Variants in FBN1 observed in about 807,000 individuals in gnomAD.
FBN1 encodes the protein fibrillin-1.
In FBN1, 29 loss-of-function variants were observed where a neutral mutation model predicts 365.1. That is an observed-to-expected ratio of 0.08 (90% confidence interval 0.06 to 0.11). The LOEUF is 0.11. FBN1 is among the 10% of genes least tolerant of loss of function. FBN1 has a pLI of 1.00. For synonymous variants in FBN1, 1,210 were observed against 1,270.5 expected (o/e 0.95, Z 1.01); for missense variants, 2,476 against 3,703.2 (o/e 0.67, Z 8.60).
intron 2 of FBN1, among the ~76,000 whole-genome samples, chr15:48,628,897 A>C (rs1889935183): frequency 6.6e-6 from 1 of 152,186 alleles, no homozygotes; most frequent in Non-Finnish European, 1.5e-5. Context: ...TACCACTTAT[A>C]AAGTCTTCTT....
chr15:48,612,018 T>C (rs1028059859), intron 3 of FBN1, among the ~76,000 whole-genome samples: 1 of 152,226 alleles, frequency 6.6e-6, no homozygotes, highest in Non-Finnish European at 1.5e-5. Flanking sequence ...GGAGACATCA[T>C]TTCTCAGAGA....
intron 5 of FBN1, among the ~76,000 whole-genome samples, chr15:48,598,365 C>T (rs2044531782): frequency 6.6e-6 from 1 of 152,198 alleles, no homozygotes; most frequent in South Asian, 2.1e-4. Flanking sequence ...ATGTGCCTAG[C>T]ACACAGTAAG....
intron 6 of FBN1, among the ~76,000 whole-genome samples, chr15:48,580,687 T>C (rs1192806740): frequency 6.6e-6 from 1 of 152,206 alleles, no homozygotes; most frequent in Admixed American, 6.5e-5. Flanking sequence ...CCAAACTTCC[T>C]TGTGACCAAA....
chr15:48,466,643 T>C (rs148325272), intron 38 of FBN1, among the ~76,000 whole-genome samples: 61 of 152,306 alleles, frequency 4.0e-4, no homozygotes, highest in Admixed American at 1.5e-3. Context: ...TGAAATTATA[T>C]GTACACATGC....
intron 9 of FBN1, among the ~76,000 whole-genome samples, chr15:48,522,622 T>A (rs2043868953): frequency 6.6e-6 from 1 of 152,226 alleles, no homozygotes; most frequent in Non-Finnish European, 1.5e-5. Flanking sequence ...ATTGTTATCA[T>A]CTACATCATT....
In FBN1 at chr15:48,487,998, C is replaced by T. The variant is rs376229846; in HGVS notation, c.3337+115G>A. 8 of 1,373,212 alleles carry T rather than the reference C, an allele frequency of 5.8e-6. 1 individual carries two copies. The East Asian group carries it at 9.1e-5, about 16-fold the overall frequency. 85.1% of individuals were successfully genotyped at this position (1,373,212 alleles called of 1,614,324 possible). A position where few individuals can be genotyped will look rare whatever the true frequency, so the allele number is the denominator to read the frequency against. On this transcript the variant is annotated intron_variant, in intron 27 of 65. Transcript: ENST00000316623. ...GTCTCCCTCTGTTGCAGACTGATTC[C>T]TAACTTCACTGGTTGCACTGGGGCA...
chr15:48,525,227 C>T (rs928495540), intron 9 of FBN1, among the ~76,000 whole-genome samples: 4 of 151,922 alleles, frequency 2.6e-5, no homozygotes, highest in African/African-American at 9.7e-5. Flanking sequence ...GCTGGGATTA[C>T]AGGCACCCGC....
chr15:48,631,939 G>T (rs1032040392), intron 2 of FBN1, among the ~76,000 whole-genome samples: 12 of 152,160 alleles, frequency 7.9e-5, no homozygotes, highest in African/African-American at 2.7e-4. Context: ...TTTTCACAAA[G>T]TATCTTTTTA....
At chr15:48,496,049 C>A (rs1411228258) in intron 20 of FBN1, 51 bp downstream of exon 20, 2 of 1,607,854 alleles carry the variant, frequency 1.2e-6, no homozygotes, top group African/African-American at 2.7e-5. Flanking sequence ...TTTCTAATGG[C>A]ATTCCAAAAG....
intron 25 of FBN1, 25 bp downstream of exon 25, chr15:48,489,825 TG>T: frequency 6.3e-7 from 1 of 1,586,796 alleles, no homozygotes; most frequent in Non-Finnish European, 8.7e-7. Context: ...GGGAGGCAAT[TG>T]GCCATGGAAA....
Position 48,465,687 on chromosome 15 carries a change from T to A in FBN1, c.4823A>T (p.Asp1608Val). 1 of 1,614,110 alleles carries A rather than the reference T, an allele frequency of 6.2e-7. No individual in the cohort carries two copies. Among genetic ancestry groups the A allele is most frequent in the South Asian group, 1.1e-5 (1 of 91,080 alleles). ...NPITVILEDI[D>V]ECQELPGLCQ... ...CAGCCCTGGTAGCTCCTGGCACTCA[T>A]CAATATCTATCAAAATCAAAACAAA... The change falls in exon 40 of 66, where the codon GAT becomes GTT. Residue 1608 changes from aspartate (D) to valine (V), a missense_variant. Around this residue, in one of 5 missense-constraint regions of FBN1, gnomAD observed 1,780 missense variants for 2,840.8 expected, o/e 0.63. Transcript: ENST00000316623.
chr15:48,617,532 T>G (rs1889681743), intron 2 of FBN1, among the ~76,000 whole-genome samples: 2 of 152,196 alleles, frequency 1.3e-5, no homozygotes, highest in Admixed American at 1.3e-4. Flanking sequence ...GAAAATACAT[T>G]TATATTCCAC....
intron 18 of FBN1, among the ~76,000 whole-genome samples, chr15:48,498,212 C>T (rs2043623742): frequency 6.6e-6 from 1 of 151,968 alleles, no homozygotes; most frequent in African/African-American, 2.4e-5. Flanking sequence ...TCACAACTTA[C>T]TTATTCCCCA....
intron 7 of FBN1, among the ~76,000 whole-genome samples, chr15:48,534,543 G>A (rs1199995420): frequency 1.3e-5 from 2 of 152,044 alleles, no homozygotes; most frequent in Admixed American, 6.5e-5. Context: ...CATTATTCAC[G>A]GCCTCATTTT....
chr15:48,510,406 A>T (rs1351477042), intron 13 of FBN1, among the ~76,000 whole-genome samples: 2 of 151,982 alleles, frequency 1.3e-5, no homozygotes, highest in African/African-American at 4.8e-5. Context: ...TTCTAATAAG[A>T]CTCCTTAAAT....
intron 10 of FBN1, 48 bp downstream of exon 10, chr15:48,520,611 G>C (rs150182356): frequency 1.5e-5 from 24 of 1,609,092 alleles, no homozygotes; most frequent in Admixed American, 8.3e-5. Flanking sequence ...CACTGGGCTT[G>C]TGAGGGCTGG....
chr15:48,430,197 T>G (rs982867722), intron 56 of FBN1, among the ~76,000 whole-genome samples: 4 of 152,206 alleles, frequency 2.6e-5, no homozygotes, highest in African/African-American at 9.7e-5. Context: ...TAGAATCAGC[T>G]GAGGAGCTTT....
intron 14 of FBN1, 146 bp downstream of exon 14, chr15:48,509,898 A>C (rs1347712894): frequency 1.2e-6 from 1 of 829,464 alleles, no homozygotes; most frequent in Non-Finnish European, 1.9e-6. Context: ...AATGAATATC[A>C]TGGAAAATTA....
At chr15:48,463,806 A>T (rs2043299186) in intron 41 of FBN1, 93 bp downstream of exon 41, 1 of 1,346,446 alleles carries the variant, frequency 7.4e-7, no homozygotes. Flanking sequence ...CAGTCTGATG[A>T]GTAACATCAC....
Sources: allele counts gnomAD v4.1 joint callset (sites outside exome capture counted in the v4.1 genomes callset), GRCh38; gene constraint gnomAD v4.1.1; regional missense constraint gnomAD v4.1.1; transcripts MANE v1.5; gene names NCBI Gene and HGNC (gene_info 2026-07-23, HGNC 2026-07-21).